The following ERBB4 variants were observed in gnomAD, a reference collection of about 807,000 sequenced individuals.
ERBB4 encodes the protein erb-b2 receptor tyrosine kinase 4, also known as receptor tyrosine-protein kinase erbB-4.
In ERBB4, 42 loss-of-function variants were observed where a neutral mutation model predicts 158.0. That is an observed-to-expected ratio of 0.27 (90% CI 0.21 to 0.34). The LOEUF (loss-of-function observed/expected upper bound fraction) is 0.34, where lower values mean the gene tolerates loss of function less well. ERBB4 is among the 10% of genes least tolerant of loss of function. The pLI is 1.00. For synonymous variants in ERBB4, 583 were observed against 558.7 expected, an observed-to-expected ratio of 1.04 and a Z score of -0.61; for missense variants, 1,333 against 1,624.1, an observed-to-expected ratio of 0.82 and a Z score of 3.08.
intron 1 of ERBB4, among the ~76,000 whole-genome samples, chr2:212,299,029 T>C (rs2086523198): frequency 6.6e-6 from 1 of 151,762 alleles, no homozygotes; most frequent in Admixed American, 6.6e-5. Flanking sequence ...GTTTTTAAAG[T>C]GTCAGTCACT....
At chr2:211,627,435 C>T (rs1162633387) in intron 17 of ERBB4, among the ~76,000 whole-genome samples, 2 of 152,204 alleles carry the variant, frequency 1.3e-5, no homozygotes, top group African/African-American at 4.8e-5. Flanking sequence ...CATGTCTATT[C>T]ATGAGACAGC....
intron 4 of ERBB4, among the ~76,000 whole-genome samples, chr2:211,773,648 A>AAT (rs2075795193): frequency 9.7e-5 from 7 of 71,902 alleles, no homozygotes; most frequent in Non-Finnish European, 5.6e-5. Flanking sequence ...ATATATATAT[A>AAT]ATATATATAC....
At chr2:212,399,257 T>G (rs1346022669) in intron 1 of ERBB4, among the ~76,000 whole-genome samples, 2 of 152,026 alleles carry the variant, frequency 1.3e-5, no homozygotes, top group African/African-American at 4.8e-5. Flanking sequence ...TTGTTCATTC[T>G]AAACATTCTA....
At chr2:211,574,460 T>C (rs1001636021) in intron 19 of ERBB4, among the ~76,000 whole-genome samples, 7 of 152,172 alleles carry the variant, frequency 4.6e-5, no homozygotes, top group Admixed American at 1.3e-4. Flanking sequence ...AAGTAGATAA[T>C]AGAGATCAGG....
intron 1 of ERBB4, among the ~76,000 whole-genome samples, chr2:212,127,456 G>T (rs2079972010): frequency 1.3e-5 from 2 of 152,144 alleles, no homozygotes; most frequent in Admixed American, 1.3e-4. Context: ...GCCGGGCCTG[G>T]TGGCGGGTGC....
At chr2:212,051,513 T>A (rs896557290) in intron 2 of ERBB4, among the ~76,000 whole-genome samples, 2 of 152,168 alleles carry the variant, frequency 1.3e-5, no homozygotes, top group African/African-American at 2.4e-5. Context: ...AAAATTGATG[T>A]TATGTTTCCT....
At chr2:211,592,141 T>G (rs1010041881) in intron 19 of ERBB4, among the ~76,000 whole-genome samples, 12 of 152,174 alleles carry the variant, frequency 7.9e-5, no homozygotes, top group African/African-American at 2.9e-4. Flanking sequence ...CAGTTCCAGA[T>G]GCAGGGGCTT....
intron 4 of ERBB4, among the ~76,000 whole-genome samples, chr2:211,763,634 T>C (rs548612032): frequency 1.3e-5 from 2 of 152,252 alleles, no homozygotes; most frequent in South Asian, 2.1e-4. Context: ...ACAGCCTTCC[T>C]TTTTTATTAT....
At chr2:211,522,287 A>G (rs867400025) in intron 20 of ERBB4, among the ~76,000 whole-genome samples, 47 of 152,274 alleles carry the variant, frequency 3.1e-4, no homozygotes, top group Middle Eastern at 6.8e-3. Flanking sequence ...ATGACTTTGA[A>G]GGGTTCAAGA....
rs138228057 is a variant in ERBB4 at position 211,841,239 on chromosome 2, C to T, written c.422-53080G>A. Among the ~76,000 whole-genome samples, 416 of 152,116 alleles carry T rather than the reference C, an allele frequency of 2.7e-3. 4 individuals carry two copies. The highest frequency in any genetic ancestry group is 1.8e-3 in the Non-Finnish European group (125 of 67,936). ...TGTGCTCTTATTAGTTTCCAATGTGCTATATTTGTGTTTACAGACAAAGGA... is the reference window on the plus strand; with the variant it reads ...TGTGCTCTTATTAGTTTCCAATGTGTTATATTTGTGTTTACAGACAAAGGA... On this transcript the variant is annotated intron_variant, in intron 3 of 27. Coordinates refer to ENST00000342788, the MANE Select transcript of ERBB4 (RefSeq NM_005235.3).
At chr2:212,512,141 A>G (rs991438814) in intron 1 of ERBB4, among the ~76,000 whole-genome samples, 1 of 152,166 alleles carries the variant, frequency 6.6e-6, no homozygotes, top group African/African-American at 2.4e-5. Context: ...CAATTGAATT[A>G]AAGTTTATTC....
At chr2:212,146,300 A>G in intron 1 of ERBB4, among the ~76,000 whole-genome samples, 1 of 152,022 alleles carries the variant, frequency 6.6e-6, no homozygotes, top group East Asian at 1.9e-4. Flanking sequence ...TGGGACTTCT[A>G]TTTTCTGTTT....
intron 1 of ERBB4, among the ~76,000 whole-genome samples, chr2:212,240,665 A>AAAAAAAAAAAAAAAAAAAAAAAAAC (rs1559823350): frequency 2.1e-5 from 3 of 145,798 alleles, no homozygotes; most frequent in African/African-American, 7.9e-5. Flanking sequence ...AAAAAAAAAA[A>AAAAAAAAAAAAAAAAAAAAAAAAAC]AACAGAAAAA....
intron 14 of ERBB4, among the ~76,000 whole-genome samples, chr2:211,669,923 G>A (rs561115863): frequency 6.6e-6 from 1 of 152,254 alleles, no homozygotes. Context: ...ATTTTAAAGG[G>A]AGAAAGTGAT....
chr2:212,497,079 G>C (rs866981991), intron 1 of ERBB4, among the ~76,000 whole-genome samples: 1 of 150,966 alleles, frequency 6.6e-6, no homozygotes, highest in Admixed American at 6.6e-5. Context: ...TCGGAAGGCT[G>C]AGGCAAGAGA....
chr2:211,743,468 A>T (rs1043483079), intron 5 of ERBB4, among the ~76,000 whole-genome samples: 1 of 152,218 alleles, frequency 6.6e-6, no homozygotes, highest in Non-Finnish European at 1.5e-5. Flanking sequence ...GTGCTTAAAG[A>T]TAAAAAAGGA....
intron 20 of ERBB4, among the ~76,000 whole-genome samples, chr2:211,529,012 A>G (rs1044761560): frequency 3.3e-5 from 5 of 151,938 alleles, no homozygotes; most frequent in African/African-American, 7.2e-5. Context: ...ATCTGAGTAG[A>G]GATAAATGAA....
intron 11 of ERBB4, among the ~76,000 whole-genome samples, 174 bp downstream of exon 11, chr2:211,703,930 A>G (rs1243202037): frequency 6.6e-6 from 1 of 152,226 alleles, no homozygotes; most frequent in African/African-American, 2.4e-5. Context: ...GTATTCTGTA[A>G]TACCTCACAC....
intron 2 of ERBB4, among the ~76,000 whole-genome samples, chr2:212,099,737 T>G (rs1427854021): frequency 5.6e-5 from 1 of 17,944 alleles, no homozygotes; most frequent in Non-Finnish European, 1.6e-4. Flanking sequence ...TGTTTTACAG[T>G]TTTTTTTTTT....
Sources: gnomAD v4.1 joint callset for allele counts (sites outside exome capture counted in the v4.1 genomes callset) on GRCh38, gnomAD v4.1.1 for gene constraint, MANE v1.5 for transcripts, NCBI Gene and HGNC (gene_info 2026-07-23, HGNC 2026-07-21) for gene names.